The following DAPK1 variants were observed in gnomAD, a reference collection of about 807,000 sequenced individuals.
DAPK1 encodes the protein death-associated protein kinase 1.
In DAPK1, 56 loss-of-function variants were observed where a neutral mutation model predicts 144.9. The observed-to-expected ratio is 0.39, with a 90% CI of 0.31 to 0.48. The LOEUF is 0.48. Ranked by LOEUF, DAPK1 falls within the 20% of genes least tolerant of loss-of-function variation. The pLI is 0.95. For synonymous variants in DAPK1, 690 were observed against 749.0 expected (o/e 0.92, Z 1.29); for missense variants, 1,454 against 1,875.4 (o/e 0.78, Z 4.15).
intron 18 of DAPK1, among the ~76,000 whole-genome samples, chr9:87,668,290 G>T (rs1831128820): frequency 6.6e-6 from 1 of 152,152 alleles, no homozygotes; most frequent in African/African-American, 2.4e-5. Flanking sequence ...TTCAGGACAG[G>T]GAGGAACCAG....
At position 87,658,035 on chromosome 9, in the gene DAPK1, C is replaced by T. The variant is rs1393420030; in HGVS notation, c.1831C>T (p.Arg611Ter). The T allele has an allele frequency of 1.5e-6, 2 of 1,358,400 alleles. No homozygotes were observed. The highest frequency in any genetic ancestry group is 2.1e-6 in the Non-Finnish European group (2 of 948,378). The allele number at this position is 1,358,400 out of a possible 1,614,324, so 84.1% of individuals were successfully genotyped here. The change falls in exon 18 of 26, where the codon CGA (arginine) becomes TGA (stop). Residue 611 changes from arginine (R) to a stop codon, truncating the protein, a stop_gained. Coordinates refer to ENST00000408954, the MANE Select transcript of DAPK1 (RefSeq NM_004938.4). LOFTEE classifies it high-confidence loss of function. ...CTTTTTTCTCTCTTCCCAGTATGGG[C>T]GAACGCCTCTGCACCTTGCGGCCAA... ...CNLDISNKYG[R>*]TPLHLAANNG...
chr9:87,686,667 A>G lies in DAPK1; in HGVS notation c.2341A>G (p.Thr781Ala), dbSNP rs756798640. The G allele has an allele frequency of 1.2e-6, 2 of 1,613,086 alleles. No homozygotes were observed. The highest frequency in any genetic ancestry group is 2.2e-5 in the East Asian group (1 of 44,864). ...KGMLEVFVAPTHHPHCSADDQ... is the reference protein window; with the variant it reads ...KGMLEVFVAPAHHPHCSADDQ... ...GATGCTGGAGGTGTTTGTGGCCCCG[A>G]CCCACCACCCGCACTGCTCGGCCGA... The change falls in exon 21 of 26, where the codon ACC becomes GCC. Residue 781 changes from threonine to alanine, a missense_variant. Thr to Ala is a moderately conservative substitution (Grantham distance 58). Coordinates refer to ENST00000408954, the MANE Select transcript of DAPK1 (RefSeq NM_004938.4). The surrounding 1 kb of genome is among the most constrained non-coding windows in gnomAD (Gnocchi z 4.2).
intron 3 of DAPK1, among the ~76,000 whole-genome samples, chr9:87,615,148 T>G (rs927573860): frequency 1.3e-5 from 2 of 152,242 alleles, no homozygotes; most frequent in South Asian, 4.1e-4. Context: ...AAAATGTGGT[T>G]TAACAAGCAA....
intron 21 of DAPK1, among the ~76,000 whole-genome samples, chr9:87,696,064 C>A (rs907185843): frequency 6.6e-6 from 1 of 151,964 alleles, no homozygotes; most frequent in Non-Finnish European, 1.5e-5. Flanking sequence ...CACACTTCTG[C>A]GTAATATGAC....
intron 3 of DAPK1, chr9:87,633,219 A>C (rs1829774871): frequency 4.1e-6 from 4 of 984,350 alleles, no homozygotes; most frequent in Non-Finnish European, 4.8e-6. Flanking sequence ...GATTGAGTAC[A>C]TATGTAGGGA....
chr9:87,625,441 C>T (rs932717639), intron 3 of DAPK1, among the ~76,000 whole-genome samples: 1 of 152,220 alleles, frequency 6.6e-6, no homozygotes, highest in East Asian at 1.9e-4. Context: ...CAGCTGCCAG[C>T]ATAGCATCAC....
chr9:87,549,259 A>AG (rs1409917630), intron 2 of DAPK1, among the ~76,000 whole-genome samples: 1 of 152,152 alleles, frequency 6.6e-6, no homozygotes, highest in South Asian at 2.1e-4. Flanking sequence ...GTCCCTGCAG[A>AG]GGACATGATC....
At chr9:87,552,633 C>T (rs1253120448) in intron 2 of DAPK1, among the ~76,000 whole-genome samples, 1 of 151,942 alleles carries the variant, frequency 6.6e-6, no homozygotes, top group East Asian at 1.9e-4. Context: ...GCTCTGTCAC[C>T]CAGGCTGGTG....
chr9:87,613,125 C>T lies in DAPK1; in HGVS notation c.284+7950C>T, dbSNP rs578011490. On this transcript the variant is annotated intron_variant, in intron 3 of 25. Coordinates refer to ENST00000408954, the MANE Select transcript of DAPK1 (RefSeq NM_004938.4). ...GGAAATTCCATTTAATTAGTGCAGT[C>T]TGCTATGGTTGTAGCCAAGTGCAGG... 8.0e-4 allele frequency among the ~76,000 whole-genome samples: 122 copies of T among 152,268 alleles called. 1 individual carries two copies. In the South Asian group the frequency reaches 0.01, roughly 13 times the overall value.
Position 87,551,169 on chromosome 9 carries a change from G to A in DAPK1, c.62+52030G>A, listed in dbSNP as rs1035711906. On this transcript the variant is annotated intron_variant, in intron 2 of 25. Coordinates refer to ENST00000408954, the MANE Select transcript of DAPK1 (RefSeq NM_004938.4). ...AATTTGAATTTTTTTTTTTTTTGAG[G>A]CGGAGTCTCGCTCTGTCGCCCAGGC... is the stretch of plus-strand genomic sequence containing the variant. 3.3e-5 allele frequency among the ~76,000 whole-genome samples: 5 copies of A among 150,292 alleles called. No individual in the cohort carries two copies. In the East Asian group the frequency reaches 7.9e-4, roughly 24 times the overall value.
At chr9:87,703,472 A>T (rs1825528535) in intron 25 of DAPK1, among the ~76,000 whole-genome samples, 1 of 151,972 alleles carries the variant, frequency 6.6e-6, no homozygotes. Context: ...TTAGTTTGGG[A>T]GTGCAGTGCC....
At chr9:87,593,509 C>T (rs999494338) in intron 2 of DAPK1, among the ~76,000 whole-genome samples, 5 of 152,160 alleles carry the variant, frequency 3.3e-5, no homozygotes, top group Admixed American at 2.0e-4. Flanking sequence ...TCTCACAATT[C>T]GTATTTTAAT....
chr9:87,650,204 A>AGG, intron 16 of DAPK1, 86 bp downstream of exon 16: 4 of 1,401,248 alleles, frequency 2.9e-6, no homozygotes, highest in Non-Finnish European at 4.0e-6. Context: ...TGTTTCCCTA[A>AGG]GATAACAAAC....
chr9:87,550,940 T>TA (rs1826455276), intron 2 of DAPK1, among the ~76,000 whole-genome samples: 2 of 152,288 alleles, frequency 1.3e-5, no homozygotes, highest in African/African-American at 4.8e-5. Context: ...CTTGGATACA[T>TA]ACCCTGACCC....
intron 25 of DAPK1, among the ~76,000 whole-genome samples, chr9:87,704,790 G>A (rs149940859): frequency 6.6e-6 from 1 of 152,294 alleles, no homozygotes; most frequent in East Asian, 1.9e-4. Flanking sequence ...GCATCTTTCA[G>A]GTTTAAGCCA....
chr9:87,624,811 T>TA (rs1360927990), intron 3 of DAPK1, among the ~76,000 whole-genome samples: 7 of 152,218 alleles, frequency 4.6e-5, no homozygotes, highest in Admixed American at 3.9e-4. Flanking sequence ...TAAGCATTCC[T>TA]AAATCACCTT....
chr9:87,693,482 ATT>A (rs1372796289), intron 21 of DAPK1, among the ~76,000 whole-genome samples: 1 of 151,846 alleles, frequency 6.6e-6, no homozygotes, highest in Non-Finnish European at 1.5e-5. Flanking sequence ...ATATCTTTGT[ATT>A]GTTTTTCTGG....
intron 2 of DAPK1, among the ~76,000 whole-genome samples, chr9:87,538,721 A>G (rs933550859): frequency 1.1e-4 from 16 of 152,204 alleles, no homozygotes; most frequent in Admixed American, 6.5e-4. Context: ...ATTGTAACAG[A>G]TTAAAAAACA....
At chr9:87,564,938 G>A (rs1587723417) in intron 2 of DAPK1, among the ~76,000 whole-genome samples, 1 of 152,270 alleles carries the variant, frequency 6.6e-6, no homozygotes, top group East Asian at 1.9e-4. Context: ...TTTCTGAAGA[G>A]GAAGAGCTGA....
Sources: allele counts gnomAD v4.1 joint callset (sites outside exome capture counted in the v4.1 genomes callset), GRCh38; gene constraint gnomAD v4.1.1; non-coding constraint Gnocchi (gnomAD v3.1); transcripts MANE v1.5; gene names NCBI Gene and HGNC (gene_info 2026-07-23, HGNC 2026-07-21).